EVC: variants seen among roughly 807,000 people sequenced by gnomAD.
EVC encodes the protein evC complex member EVC.
EVC carries 116 observed loss-of-function variants against 118.9 expected under a neutral mutation model. The ratio of observed to expected loss-of-function variants is 0.98; its 90% CI spans 0.84 to 1.14. The LOEUF (loss-of-function observed/expected upper bound fraction) is 1.14. Among genes scored for constraint, EVC ranks in the 50% most tolerant of loss-of-function variants. EVC has a pLI of 0.00. For missense variants in EVC, 1,401 were observed against 1,246.4 expected (o/e 1.12, Z -1.87); for synonymous variants, 619 against 534.7 (o/e 1.16, Z -2.18).
At position 5,714,531 on chromosome 4, in the gene EVC, G is replaced by A. The variant is rs558548991; in HGVS notation, c.174+2977G>A. Among the ~76,000 whole-genome samples the A allele has an allele frequency of 5.7e-5, 8 of 140,668 alleles. No homozygotes were observed. The East Asian group carries it at 6.1e-4, about 11-fold the overall frequency. The allele number at this position is 140,668 out of a possible 152,430, so 92.3% of individuals were successfully genotyped here. On this transcript the variant is annotated intron_variant, in intron 1 of 20. Transcript: ENST00000264956. The stretch of plus-strand genomic sequence containing the variant: ...TTTTTTTTGGCTGCGTGCAATAGCC[G>A]TTGACCCTCCACTGTGGAAAGGAAG...
At chr4:5,750,186 A>T (rs1337920989) in intron 8 of EVC, among the ~76,000 whole-genome samples, 1 of 152,176 alleles carries the variant, frequency 6.6e-6, no homozygotes. Flanking sequence ...CTGGGCCTGA[A>T]GCTTCCTGGT....
At chr4:5,729,891 C>T (rs996709434) in intron 3 of EVC, among the ~76,000 whole-genome samples, 2 of 152,172 alleles carry the variant, frequency 1.3e-5, no homozygotes, top group South Asian at 2.1e-4. Flanking sequence ...CCTGAGGTCA[C>T]GTGACAGGAA....
Position 5,765,182 on chromosome 4 carries a change from G to C in EVC, c.1563+8820G>C, listed in dbSNP as rs1429309634. 1.8e-4 allele frequency among the ~76,000 whole-genome samples: 21 copies of C among 117,580 alleles called. 5 individuals are homozygous for C. Among genetic ancestry groups the C allele is most frequent in the Non-Finnish European group, 3.5e-4 (19 of 54,460 alleles). 77.1% of individuals were successfully genotyped at this position (117,580 alleles called of 152,430 possible). On this transcript the variant is annotated intron_variant, in intron 11 of 20. Coordinates refer to ENST00000264956, the MANE Select transcript of EVC (RefSeq NM_153717.3). ...TGTATCCAGTAGTCATTCAGGAGCAGGTTGTTCAGTTTCCATGTAGTTGAG... is the reference window on the plus strand; with the variant it reads ...TGTATCCAGTAGTCATTCAGGAGCACGTTGTTCAGTTTCCATGTAGTTGAG...
rs1223935167 is a variant in EVC at position 5,719,469 on chromosome 4, A to T, written c.300+96A>T. The T allele has an allele frequency of 1.3e-6, 2 of 1,582,324 alleles. No individual in the cohort carries two copies. The highest frequency in any genetic ancestry group is 2.2e-5 in the East Asian group (1 of 44,660). ...TGTCATGTAGACAAGCCTCTGACAG[A>T]TATAGTTTCCCAATGGGCTGCTTTT... On this transcript the variant is annotated intron_variant, in intron 2 of 20. Transcript: ENST00000264956. This position sits in a 1 kb window ranked among gnomAD's most constrained non-coding sequence, Gnocchi z 4.7.
chr4:5,783,576 A>G lies in EVC; in HGVS notation c.1588A>G (p.Thr530Ala), dbSNP rs761329283. The G allele has an allele frequency of 4.3e-6, 7 of 1,614,012 alleles. No individual in the cohort carries two copies. The highest frequency in any genetic ancestry group is 3.3e-5 in the South Asian group (3 of 91,084). ...GGAGCTGTACTTCAGCACCGTGGAC[A>G]CTTTCCAGAAGTTCGTGGATGCCCT... ...CQELYFSTVD[T>A]FQKFVDALFL... is the part of the protein sequence containing the mutation. Residue 530 changes from threonine to alanine, a missense_variant, in exon 12 of 21, where the codon ACT (threonine) becomes GCT (alanine). By Grantham distance (58) the Thr-to-Ala change is moderately conservative. Coordinates refer to ENST00000264956, the MANE Select transcript of EVC (RefSeq NM_153717.3).
intron 11 of EVC, among the ~76,000 whole-genome samples, chr4:5,780,033 T>G (rs1159334629): frequency 6.6e-6 from 1 of 152,182 alleles, no homozygotes; most frequent in East Asian, 1.9e-4. Context: ...CCTAATTGAT[T>G]AAGAGTTTTT....
At chr4:5,736,388 G>C (rs1208212902) in intron 5 of EVC, among the ~76,000 whole-genome samples, 1 of 152,096 alleles carries the variant, frequency 6.6e-6, no homozygotes, top group African/African-American at 2.4e-5. Flanking sequence ...CAATTTCCCA[G>C]TTTTGGTACT....
downstream of EVC, among the ~76,000 whole-genome samples, chr4:5,817,704 G>C (rs1298525748): frequency 1.3e-5 from 2 of 152,182 alleles, no homozygotes; most frequent in African/African-American, 2.4e-5. Context: ...GCCTTGGAAA[G>C]AGTAACACAG....
At chr4:5,783,236 T>G (rs1043579815) in intron 11 of EVC, among the ~76,000 whole-genome samples, 7 of 152,068 alleles carry the variant, frequency 4.6e-5, no homozygotes, top group Non-Finnish European at 1.0e-4. Flanking sequence ...GTGCATGTGT[T>G]CCTGTGTGTG....
downstream of EVC, among the ~76,000 whole-genome samples, chr4:5,815,034 A>G (rs990385990): frequency 5.3e-5 from 8 of 152,226 alleles, no homozygotes; most frequent in East Asian, 1.9e-4. Flanking sequence ...ACCCAACTCA[A>G]CTGGCCCTTA....
Position 5,813,064 on chromosome 4 carries a change from T to TA in EVC, c.*2029dup, listed in dbSNP as rs1164400204. On this transcript the variant is annotated 3_prime_UTR_variant, in exon 21 of 21. Transcript: ENST00000264956. ...TGACTCCTTCCCAGTGGCCAAAACT[T>TA]AATCATCAGAGCGCTTCCTTCAGTT... 1 of 152,216 alleles carries TA rather than the reference T, an allele frequency of 6.6e-6. No individual in the cohort carries two copies. The highest frequency in any genetic ancestry group is 1.5e-5 in the Non-Finnish European group (1 of 68,054). The allele number at this position is 152,216 out of a possible 1,614,324, so 9.4% of individuals were successfully genotyped here. A position where few individuals can be genotyped will look rare whatever the true frequency, so the allele number is the denominator to read the frequency against.
At chr4:5,714,027 C>A (rs1723522040) in intron 1 of EVC, among the ~76,000 whole-genome samples, 1 of 152,240 alleles carries the variant, frequency 6.6e-6, no homozygotes, top group Admixed American at 6.5e-5. Flanking sequence ...TCCTGCTCTC[C>A]AGCCACTCAA....
chr4:5,731,779 A>C lies in EVC; in HGVS notation c.617+122A>C, dbSNP rs1037465643. 1 of 974,600 alleles carries C rather than the reference A, an allele frequency of 1.0e-6. No individual in the cohort carries two copies. Among genetic ancestry groups the C allele is most frequent in the East Asian group, 2.6e-5 (1 of 38,400 alleles). The allele number at this position is 974,600 out of a possible 1,614,324, so 60.4% of individuals were successfully genotyped here. A position where few individuals can be genotyped will look rare whatever the true frequency, so the allele number is the denominator to read the frequency against. ...GGTTCAGTGACTCTGCCAGGGACACACAGCGACCCAGCGTCACCATCGGAG... is the reference window on the plus strand; with the variant it reads ...GGTTCAGTGACTCTGCCAGGGACACCCAGCGACCCAGCGTCACCATCGGAG... On this transcript the variant is annotated intron_variant, in intron 4 of 20. Coordinates refer to ENST00000264956, the MANE Select transcript of EVC (RefSeq NM_153717.3). This position sits in a 1 kb window ranked among gnomAD's most constrained non-coding sequence, Gnocchi z 5.6.
downstream of EVC, among the ~76,000 whole-genome samples, chr4:5,817,859 C>G (rs899071658): frequency 6.6e-6 from 1 of 152,112 alleles, no homozygotes; most frequent in Non-Finnish European, 1.5e-5. Context: ...ATGGTAGACC[C>G]TACTGGTGAC....
intron 11 of EVC, among the ~76,000 whole-genome samples, chr4:5,761,454 TC>T (rs1731992218): frequency 7.1e-6 from 1 of 140,376 alleles, no homozygotes; most frequent in Non-Finnish European, 1.5e-5. Flanking sequence ...CCAAAGAGGT[TC>T]TCAGGAGGTT....
intron 17 of EVC, among the ~76,000 whole-genome samples, chr4:5,806,634 A>C (rs1715966790): frequency 6.6e-6 from 1 of 152,200 alleles, no homozygotes; most frequent in Admixed American, 6.5e-5. Flanking sequence ...TGCTATTGTG[A>C]ATAATGCAAT....
At chr4:5,772,024 G>A (rs1432429898) in intron 11 of EVC, among the ~76,000 whole-genome samples, 1 of 151,834 alleles carries the variant, frequency 6.6e-6, no homozygotes, top group East Asian at 2.0e-4. Flanking sequence ...CAGCCTCCCG[G>A]GTAGCTGGGA....
In EVC at chr4:5,729,321, T is replaced by C. The variant is rs1288493264; in HGVS notation, c.315T>C (p.Pro105=). The change falls in exon 3 of 21, where the codon CCT becomes CCC. Residue 105 remains proline (P), a synonymous_variant. Coordinates refer to ENST00000264956, the MANE Select transcript of EVC (RefSeq NM_153717.3). ...TTCCCTCCCAGGAATGTGAGCCGCCTTCCAACAGCAATATCACAGCATTCG... is the reference window on the plus strand; with the variant it reads ...TTCCCTCCCAGGAATGTGAGCCGCCCTCCAACAGCAATATCACAGCATTCG... ...DKEAVDECEP[P]SNSNITAFAL... is the part of the protein sequence containing the mutation. 6.2e-7 allele frequency: 1 copy of C among 1,614,064 alleles called. No homozygotes were observed. Among genetic ancestry groups the C allele is most frequent in the African/African-American group, 1.3e-5 (1 of 74,930 alleles).
At chr4:5,817,264 G>A (rs990167096), downstream of EVC, among the ~76,000 whole-genome samples, 30 of 152,186 alleles carry the variant, frequency 2.0e-4, no homozygotes, top group African/African-American at 5.5e-4. Context: ...GCACCGTGTC[G>A]GGGCTCTTGT....
Sources: gnomAD v4.1 joint callset for allele counts (sites outside exome capture counted in the v4.1 genomes callset) on GRCh38, gnomAD v4.1.1 for gene constraint, Gnocchi (gnomAD v3.1) non-coding constraint, MANE v1.5 for transcripts, NCBI Gene and HGNC (gene_info 2026-07-23, HGNC 2026-07-21) for gene names.